The following LRRC56 variants were observed in gnomAD, a reference collection of about 807,000 sequenced individuals.
LRRC56 encodes leucine-rich repeat-containing protein 56.
In LRRC56, 41 loss-of-function variants were observed where a neutral mutation model predicts 47.8. The ratio of observed to expected loss-of-function variants is 0.86; its 90% CI spans 0.67 to 1.11. LRRC56 has a LOEUF of 1.11. Ranked by LOEUF, LRRC56 falls within the 50% of genes most tolerant of loss-of-function variation. The pLI is 0.00. For missense variants in LRRC56, 759 were observed against 704.2 expected (o/e 1.08, Z -0.88); for synonymous variants, 387 against 311.2 (o/e 1.24, Z -2.56).
Position 544,788 on chromosome 11 carries a change from C to A in LRRC56, c.326+8C>A, listed in dbSNP as rs1202910545. Reference sequence around the variant, plus strand: ...CCACCTGGGCTCCCTGAGGTGAGCGCCTGAGGGGGGTGGGCTGGGGCCCTG... The same window carrying A: ...CCACCTGGGCTCCCTGAGGTGAGCGACTGAGGGGGGTGGGCTGGGGCCCTG... On this transcript the variant is annotated splice_region_variant and intron_variant, in intron 6 of 13. Transcript: ENST00000270115. The A allele has an allele frequency of 6.2e-7, 1 of 1,610,750 alleles. No homozygotes were observed. The highest frequency in any genetic ancestry group is 8.5e-7 in the Non-Finnish European group (1 of 1,179,538).
At position 537,557 on chromosome 11, in the gene LRRC56, G is replaced by T. The variant is rs931122546; in HGVS notation, c.-470G>T. On this transcript the variant is annotated 5_prime_UTR_variant, in exon 1 of 14. Coordinates refer to ENST00000270115, the MANE Select transcript of LRRC56 (RefSeq NM_198075.4). ...AGGAGACAGCGCCTGGAGGTGGAGGGCGCCCAGGGCCGAGCTGCCAGGGCC... is the reference window on the plus strand; with the variant it reads ...AGGAGACAGCGCCTGGAGGTGGAGGTCGCCCAGGGCCGAGCTGCCAGGGCC... The T allele has an allele frequency of 1.3e-5, 2 of 152,316 alleles. No individual in the cohort carries two copies. The highest frequency in any genetic ancestry group is 2.9e-5 in the Non-Finnish European group (2 of 68,084). The allele number at this position is 152,316 out of a possible 1,614,324, so 9.4% of individuals were successfully genotyped here.
Position 551,794 on chromosome 11 carries a change from GC to G in LRRC56, c.944del (p.Pro315GlnfsTer95). The part of the protein sequence containing the change: ...LPEGLLSEDL[A>X]PEDNTSSLTH... ...TGAAGGCCTGCTTTCTGAGGACCTG[GC>G]CCCAGAAGATAACACCAGCAGCCTC... On this transcript the variant is annotated frameshift_variant, in exon 10 of 14. Coordinates refer to ENST00000270115, the MANE Select transcript of LRRC56 (RefSeq NM_198075.4). LOFTEE classifies it high-confidence loss of function. 1 of 1,608,724 alleles carries G rather than the reference GC, an allele frequency of 6.2e-7. No individual in the cohort carries two copies. Among genetic ancestry groups the G allele is most frequent in the Non-Finnish European group, 8.5e-7 (1 of 1,177,558 alleles).
intron 13 of LRRC56, 127 bp downstream of exon 13, chr11:552,829 G>A (rs1341291786): frequency 8.5e-6 from 7 of 827,676 alleles, no homozygotes; most frequent in South Asian, 3.7e-5. Context: ...CTCTGAGAGG[G>A]ACTGTAACAG....
the LRRC56 span, among the ~76,000 whole-genome samples, chr11:514,308 A>G: frequency 2.7e-5 from 4 of 147,112 alleles, no homozygotes; most frequent in Non-Finnish European, 5.9e-5. Flanking sequence ...TTTTTTTGAG[A>G]CGAGGTCTTG....
upstream of LRRC56, chr11:532,806 TG>T: frequency 6.3e-7 from 1 of 1,575,622 alleles, no homozygotes; most frequent in South Asian, 1.1e-5. Context: ...GCCGCCTGCC[TG>T]GGTGAGGGGC....
chr11:549,865 TG>T, intron 6 of LRRC56, 36 bp from the exon 7 acceptor site: 1 of 1,579,358 alleles, frequency 6.3e-7, no homozygotes, highest in African/African-American at 1.3e-5. Flanking sequence ...AGCACAGGGC[TG>T]GGCACATGTT....
At position 549,920 on chromosome 11, in the gene LRRC56, G is replaced by A; in HGVS notation, c.345G>A (p.Leu115=). 6.2e-7 allele frequency: 1 copy of A among 1,613,014 alleles called. No individual in the cohort carries two copies. Among genetic ancestry groups the A allele is most frequent in the Non-Finnish European group, 8.5e-7 (1 of 1,179,954 alleles). Residue 115 remains leucine (L), a synonymous_variant, in exon 7 of 14, where the codon CTG becomes CTA. Transcript: ENST00000270115. ...TCTGCAGGGACTTGGGCACGTCTCT[G>A]GGCCACCTGCAGGTGCTGTGGCTGG... The part of the protein sequence containing the change: ...LGSLRDLGTS[L]GHLQVLWLAR...
At position 542,617 on chromosome 11, in the gene LRRC56, G is replaced by A. The variant is rs1419917080; in HGVS notation, c.265+993G>A. On this transcript the variant is annotated intron_variant, in intron 5 of 13. Coordinates refer to ENST00000270115, the MANE Select transcript of LRRC56 (RefSeq NM_198075.4). ...AAAAAAAAAAAAACACTCCCTCCCC[G>A]CCCTCCGCCAGGTTCCTTCTCTTTC... 1.5e-4 allele frequency among the ~76,000 whole-genome samples: 9 copies of A among 58,300 alleles called. No homozygotes were observed. The South Asian group carries it at 2.4e-3, about 16-fold the overall frequency. 38.2% of individuals were successfully genotyped at this position (58,300 alleles called of 152,430 possible). A position where few individuals can be genotyped will look rare whatever the true frequency, so the allele number is the denominator to read the frequency against.
At chr11:540,224 C>T (rs1851726000) in intron 3 of LRRC56, among the ~76,000 whole-genome samples, 1 of 152,182 alleles carries the variant, frequency 6.6e-6, no homozygotes, top group Non-Finnish European at 1.5e-5. Flanking sequence ...GGGACTTGAT[C>T]CTGGACCCCA....
chr11:545,777 T>C (rs550881876), intron 6 of LRRC56, among the ~76,000 whole-genome samples: 3 of 152,346 alleles, frequency 2.0e-5, no homozygotes, highest in Non-Finnish European at 4.4e-5. Context: ...GTGAAAACGC[T>C]GCTGGTTTTA....
upstream of LRRC56, chr11:534,056 G>A: frequency 1.5e-6 from 2 of 1,308,264 alleles, no homozygotes; most frequent in East Asian, 2.3e-5. Context: ...CCTCTCCTGG[G>A]GTGCTGAGAC....
chr11:549,760 G>A (rs1852276752), intron 6 of LRRC56, 142 bp from the exon 7 acceptor site: 5 of 662,768 alleles, frequency 7.5e-6, no homozygotes, highest in Admixed American at 2.7e-5. Context: ...GAGCCAGAAG[G>A]CCAAGGCAGA....
chr11:552,761 TA>T (rs1430236658), intron 13 of LRRC56, 59 bp downstream of exon 13: 9 of 1,461,340 alleles, frequency 6.2e-6, no homozygotes, highest in Non-Finnish European at 8.4e-6. Context: ...CCCACTTCTA[TA>T]GGGGGGCCCT....
At chr11:518,790 G>T in the LRRC56 span, among the ~76,000 whole-genome samples, 2 of 152,102 alleles carry the variant, frequency 1.3e-5, no homozygotes, top group African/African-American at 4.8e-5. Flanking sequence ...GAGAGGACTC[G>T]CGGCGCCCCC....
At chr11:545,693 C>T (rs562339917) in intron 6 of LRRC56, among the ~76,000 whole-genome samples, 6 of 152,186 alleles carry the variant, frequency 3.9e-5, no homozygotes, top group Non-Finnish European at 8.8e-5. Flanking sequence ...GCGGCTCTCA[C>T]GTCATCGGAA....
At chr11:553,671 G>A (rs1424632683) in intron 13 of LRRC56, among the ~76,000 whole-genome samples, 1 of 152,196 alleles carries the variant, frequency 6.6e-6, no homozygotes, top group Non-Finnish European at 1.5e-5. Context: ...GATGACCGAG[G>A]GTCAGAGCCA....
At position 541,596 on chromosome 11, in the gene LRRC56, C is replaced by A. The variant is rs760614841; in HGVS notation, c.237C>A (p.Asp79Glu). Reference sequence around the variant, plus strand: ...TGAGGACGCTGGAGATGTGTGTGGACACTCGTGAGGGCAGCCTGGGGAACT... The same window carrying A: ...TGAGGACGCTGGAGATGTGTGTGGAAACTCGTGAGGGCAGCCTGGGGAACT... ...RLVRTLEMCV[D>E]TREGSLGNFG... The change falls in exon 5 of 14, where the codon GAC (aspartate) becomes GAA (glutamate). Residue 79 changes from aspartate (D) to glutamate (E), a missense_variant. Asp to Glu is a conservative substitution (Grantham distance 45). Coordinates refer to ENST00000270115, the MANE Select transcript of LRRC56 (RefSeq NM_198075.4). This position sits in a 1 kb window ranked among gnomAD's most constrained non-coding sequence, Gnocchi z 4.1. 6.3e-7 allele frequency: 1 copy of A among 1,589,184 alleles called. No homozygotes were observed. Among genetic ancestry groups the A allele is most frequent in the Admixed American group, 1.7e-5 (1 of 57,304 alleles).
At chr11:548,133 T>G (rs1399372316) in intron 6 of LRRC56, among the ~76,000 whole-genome samples, 2 of 151,762 alleles carry the variant, frequency 1.3e-5, no homozygotes, top group East Asian at 3.9e-4. Flanking sequence ...AAAAAAAAAT[T>G]AAAAATTAAA....
At chr11:534,374 A>T (rs1230183893), upstream of LRRC56, 1 of 1,444,002 alleles carries the variant, frequency 6.9e-7, no homozygotes, top group Non-Finnish European at 9.6e-7. Flanking sequence ...CTCCTGCCCC[A>T]CCTGCCAAGG....
Sources: gnomAD v4.1 joint callset for allele counts (sites outside exome capture counted in the v4.1 genomes callset) on GRCh38, gnomAD v4.1.1 for gene constraint, Gnocchi (gnomAD v3.1) non-coding constraint, MANE v1.5 for transcripts, NCBI Gene and HGNC (gene_info 2026-07-23, HGNC 2026-07-21) for gene names.